Variants in UNC80 observed in about 807,000 individuals in gnomAD.
UNC80 encodes the protein unc-80 subunit of NALCN channel complex.
UNC80 carries 164 observed loss-of-function variants against 384.6 expected under a neutral mutation model. That is an observed-to-expected ratio of 0.43 (90% CI 0.38 to 0.49). The LOEUF (loss-of-function observed/expected upper bound fraction) is 0.49, where lower values mean the gene tolerates loss of function less well. UNC80 is among the 20% of genes least tolerant of loss of function. The pLI, the probability that UNC80 is intolerant of heterozygous loss-of-function variation, is 0.00. For missense variants in UNC80, 3,330 were observed against 4,143.0 expected, an observed-to-expected ratio of 0.80 and a Z score of 5.39; for synonymous variants, 1,486 against 1,527.8, an observed-to-expected ratio of 0.97 and a Z score of 0.64.
chr2:209,820,713 A>G, intron 13 of UNC80, 34 bp downstream of exon 13: 1 of 1,482,468 alleles, frequency 6.7e-7, no homozygotes, highest in Non-Finnish European at 9.0e-7. Context: ...TCCTCATGAA[A>G]TGTCATACCT....
rs1277912930 is a variant in UNC80 at position 209,842,436 on chromosome 2, C to T, written c.3444C>T (p.Phe1148=). The change falls in exon 21 of 65, where the codon TTC becomes TTT. Residue 1148 remains phenylalanine (F), a synonymous_variant. Coordinates refer to ENST00000673920, the MANE Select transcript of UNC80 (RefSeq NM_001371986.1). ...ENGRDEEENF[F]KRLGCHSFDD... is the part of the protein sequence containing the mutation. ...GAAGAGATGAAGAGGAGAATTTCTT[C>T]AAGCGTCTTGGTAAATGTCATGCAT... The T allele has an allele frequency of 5.2e-6, 8 of 1,549,766 alleles. No homozygotes were observed. Among genetic ancestry groups the T allele is most frequent in the Non-Finnish European group, 7.0e-6 (8 of 1,145,604 alleles).
intron 8 of UNC80, among the ~76,000 whole-genome samples, chr2:209,814,779 G>A (rs2079613619): frequency 6.6e-6 from 1 of 152,080 alleles, no homozygotes; most frequent in Admixed American, 6.5e-5. Flanking sequence ...CTTGTAGTGT[G>A]TTCCAGTTGT....
rs1331555597 is a variant in UNC80, at chr2:209,834,002, G to A, written c.2776G>A (p.Gly926Arg). The A allele has an allele frequency of 6.4e-7, 1 of 1,551,060 alleles. No homozygotes were observed. Among genetic ancestry groups the A allele is most frequent in the African/African-American group, 1.4e-5 (1 of 72,982 alleles). The change falls in exon 17 of 65, where the codon GGA becomes AGA. Residue 926 changes from glycine (G) to arginine (R), a missense_variant and splice_region_variant. Gly to Arg is a moderately radical substitution (Grantham distance 125). Around this residue, in one of 8 missense-constraint regions of UNC80, gnomAD observed 937 missense variants for 1,026.8 expected, o/e 0.91. Transcript: ENST00000673920. ...CAACTTCCTTCTTGCCTCCAAACAG[G>A]GACTGTATTGTGACATTCGTCAGCT... ...THELHSPENL[G>R]LYCDIRQLVQ...
chr2:209,929,562 G>A (rs1249529455), intron 36 of UNC80, among the ~76,000 whole-genome samples: 1 of 152,138 alleles, frequency 6.6e-6, no homozygotes, highest in African/African-American at 2.4e-5. Flanking sequence ...AATAAGTGCT[G>A]ACTGCTGCTA....
chr2:209,929,769 A>G (rs986888608), intron 36 of UNC80, 102 bp from the exon 37 acceptor site: 12 of 865,412 alleles, frequency 1.4e-5, no homozygotes, highest in Non-Finnish European at 2.1e-5. Context: ...AGAGCCTTTT[A>G]AGGCAAAAAG....
intron 8 of UNC80, among the ~76,000 whole-genome samples, chr2:209,814,610 T>C (rs1166529952): frequency 1.3e-5 from 2 of 152,224 alleles, no homozygotes; most frequent in Non-Finnish European, 2.9e-5. Flanking sequence ...TGCTATTTAT[T>C]ATAAATGTTT....
intron 6 of UNC80, among the ~76,000 whole-genome samples, chr2:209,789,888 A>G (rs978139219): frequency 3.3e-5 from 5 of 152,092 alleles, no homozygotes; most frequent in African/African-American, 1.2e-4. Flanking sequence ...AATGGCTAAC[A>G]TGTAACACTC....
intron 45 of UNC80, among the ~76,000 whole-genome samples, chr2:209,944,126 A>G (rs1257169219): frequency 1.3e-5 from 2 of 152,204 alleles, no homozygotes; most frequent in Non-Finnish European, 2.9e-5. Flanking sequence ...TCTTTCAACA[A>G]GCATATCATT....
Position 209,858,740 on chromosome 2 carries a change from T to C in UNC80, c.3627+9117T>C, listed in dbSNP as rs946726398. The stretch of plus-strand genomic sequence containing the variant: ...AAAAAGAAAAAAGGTTTATATTTAA[T>C]TTTTTTCATCATTTAAACAATTTTT... On this transcript the variant is annotated intron_variant, in intron 22 of 64. Coordinates refer to ENST00000673920, the MANE Select transcript of UNC80 (RefSeq NM_001371986.1). 2.6e-5 allele frequency among the ~76,000 whole-genome samples: 4 copies of C among 151,986 alleles called. No homozygotes were observed. The South Asian group carries it at 8.3e-4, about 32-fold the overall frequency.
At position 209,997,529 on chromosome 2, in the gene UNC80, A is replaced by G. The variant is rs2093500985; in HGVS notation, c.*1934A>G. ...TGTATGAAATATTTAAATAGCAAAG[A>G]AGTCAAAGAAGATTGTTAAATATTC... On this transcript the variant is annotated 3_prime_UTR_variant, in exon 65 of 65. Transcript: ENST00000673920. 3 of 152,240 alleles carry G rather than the reference A, an allele frequency of 2.0e-5. No individual in the cohort carries two copies. Among genetic ancestry groups the G allele is most frequent in the Admixed American group, 2.0e-4 (3 of 15,284 alleles). 9.4% of individuals were successfully genotyped at this position (152,240 alleles called of 1,614,324 possible). A position where few individuals can be genotyped will look rare whatever the true frequency, so the allele number is the denominator to read the frequency against.
chr2:209,877,991 A>T lies in UNC80; in HGVS notation c.3878A>T (p.Glu1293Val). 6.5e-7 allele frequency: 1 copy of T among 1,542,618 alleles called. No individual in the cohort carries two copies. The highest frequency in any genetic ancestry group is 8.8e-7 in the Non-Finnish European group (1 of 1,142,676). Residue 1293 changes from glutamate (E) to valine (V), a missense_variant, in exon 24 of 65, where the codon GAA becomes GTA. By Grantham distance (121) the Glu-to-Val change is moderately radical. Transcript: ENST00000673920. ...GVRLNELCHG[E>V]SESPANLLGL... ...CGATTGAATGAGCTGTGCCACGGGG[A>T]AAGTGAGAGCCCAGCCAACCTGCTG...
intron 60 of UNC80, among the ~76,000 whole-genome samples, chr2:209,983,890 C>G (rs767589054): frequency 6.6e-6 from 1 of 151,996 alleles, no homozygotes; most frequent in African/African-American, 2.4e-5. Flanking sequence ...GGAAGACTAG[C>G]GAAGGTAATA....
rs1351846490 is a variant in UNC80, at chr2:209,816,983, G to T, written c.1410G>T (p.Arg470=). ...PFHHTGKRRP[R]RMGVPFLLHE... is the part of the protein sequence containing the mutation. ...ACCACACAGGCAAGAGGAGGCCACG[G>T]AGAATGGGAGTGCCCTTCCTGCTTC... Residue 470 remains arginine, a synonymous_variant, in exon 10 of 65, where the codon CGG becomes CGT. Coordinates refer to ENST00000673920, the MANE Select transcript of UNC80 (RefSeq NM_001371986.1). 3 of 1,551,676 alleles carry T rather than the reference G, an allele frequency of 1.9e-6. No homozygotes were observed. The highest frequency in any genetic ancestry group is 2.6e-6 in the Non-Finnish European group (3 of 1,147,000).
chr2:209,858,686 C>T (rs1342270485), intron 22 of UNC80, among the ~76,000 whole-genome samples: 3 of 138,052 alleles, frequency 2.2e-5, no homozygotes, highest in African/African-American at 8.3e-5. Flanking sequence ...AGAATGAAAC[C>T]CTGTTTCCAA....
chr2:209,944,947 T>C (rs1397041708), intron 45 of UNC80, 104 bp from the exon 46 acceptor site: 16 of 1,292,402 alleles, frequency 1.2e-5, no homozygotes, highest in Admixed American at 7.0e-5. Flanking sequence ...CAGGTAGATG[T>C]TGTACTTGTT....
Position 209,921,661 on chromosome 2 carries a change from G to C in UNC80, c.5505G>C (p.Thr1835=), listed in dbSNP as rs772167809. 9.7e-6 allele frequency: 15 copies of C among 1,550,992 alleles called. No individual in the cohort carries two copies. The highest frequency in any genetic ancestry group is 2.0e-5 in the Admixed American group (1 of 50,876). The change falls in exon 34 of 65, where the codon ACG becomes ACC. Residue 1835 remains threonine (T), a synonymous_variant. Transcript: ENST00000673920. ...AGGCTTGCTATGAGCCCACATGCAC[G>C]CCCAACTCAGAACCGGAAGAAGAAG... ...TQEACYEPTC[T]PNSEPEEEVE...
At chr2:209,875,237 AGT>A (rs1229228337) in intron 23 of UNC80, among the ~76,000 whole-genome samples, 5 of 152,176 alleles carry the variant, frequency 3.3e-5, no homozygotes, top group African/African-American at 9.7e-5. Flanking sequence ...TGCAAATTAG[AGT>A]GTGTTTCTTA....
At chr2:209,971,090 A>T (rs565850139) in intron 54 of UNC80, 133 bp downstream of exon 54, 3 of 1,254,014 alleles carry the variant, frequency 2.4e-6, no homozygotes, top group African/African-American at 1.5e-5. Flanking sequence ...CTAAACTTTT[A>T]TAGATTTGGA....
intron 29 of UNC80, among the ~76,000 whole-genome samples, chr2:209,912,328 G>A (rs972006136): frequency 2.0e-5 from 3 of 151,980 alleles, no homozygotes; most frequent in African/African-American, 7.3e-5. Context: ...TTTCCTCAAA[G>A]GTCAAAGAGG....
Sources: allele counts gnomAD v4.1 joint callset (sites outside exome capture counted in the v4.1 genomes callset), GRCh38; gene constraint gnomAD v4.1.1; regional missense constraint gnomAD v4.1.1; transcripts MANE v1.5; gene names NCBI Gene and HGNC (gene_info 2026-07-23, HGNC 2026-07-21).